The following PLXNB2 variants were observed in gnomAD, a reference collection of about 807,000 sequenced individuals.
PLXNB2 encodes plexin-B2.
In PLXNB2, 85 loss-of-function variants were observed where a neutral mutation model predicts 202.6. That is an observed-to-expected ratio of 0.42 (90% CI 0.35 to 0.50). PLXNB2 has a LOEUF of 0.50. PLXNB2 is among the 20% of genes least tolerant of loss of function. The pLI is 0.02. For missense variants in PLXNB2, 2,063 were observed against 2,586.2 expected (o/e 0.80, Z 4.39); for synonymous variants, 1,239 against 1,137.6 (o/e 1.09, Z -1.79).
At position 50,288,652 on chromosome 22, in the gene PLXNB2, C is replaced by T; in HGVS notation, c.1380+91G>A. ...GCCCAGCTCTGCAGCACCCCATCCTCCTCTGGCCCCCAGGCCTGTCCTAAG... is the reference window on the plus strand; with the variant it reads ...GCCCAGCTCTGCAGCACCCCATCCTTCTCTGGCCCCCAGGCCTGTCCTAAG... On this transcript the variant is annotated intron_variant, in intron 5 of 36. Transcript: ENST00000359337. The surrounding 1 kb of genome is among the most constrained non-coding windows in gnomAD (Gnocchi z 5.0). 1 of 1,541,758 alleles carries T rather than the reference C, an allele frequency of 6.5e-7. No homozygotes were observed. Among genetic ancestry groups the T allele is most frequent in the Non-Finnish European group, 8.8e-7 (1 of 1,140,576 alleles).
rs924499080 is a variant in PLXNB2, at chr22:50,300,634, T to A, written c.-73-5856A>T. 6.6e-5 allele frequency among the ~76,000 whole-genome samples: 10 copies of A among 152,348 alleles called. No individual in the cohort carries two copies. The East Asian group carries it at 1.9e-3, about 29-fold the overall frequency. On this transcript the variant is annotated intron_variant, in intron 1 of 36. Coordinates refer to ENST00000359337, the MANE Select transcript of PLXNB2 (RefSeq NM_012401.4). The stretch of plus-strand genomic sequence containing the variant: ...GCGTCTACAGCGGTCCCCGCTGGAC[T>A]CTCGGCTGAGGACCCCTCCCAGGTG...
At chr22:50,277,363 T>G (rs1424222921) in intron 33 of PLXNB2, among the ~76,000 whole-genome samples, 4 of 151,698 alleles carry the variant, frequency 2.6e-5, no homozygotes, top group Non-Finnish European at 5.9e-5. Flanking sequence ...TCTCTGCTCG[T>G]GTGCTGTGGT....
Position 50,289,282 on chromosome 22 carries a change from T to C in PLXNB2, c.1069-140A>G. On this transcript the variant is annotated intron_variant, in intron 3 of 36. Coordinates refer to ENST00000359337, the MANE Select transcript of PLXNB2 (RefSeq NM_012401.4). This position sits in a 1 kb window ranked among gnomAD's most constrained non-coding sequence, Gnocchi z 8.0. ...CACGTCCCCGAGAACAGAACCCACA[T>C]GGCAGGGAGCCCCACCGTGCTCACT... 2.1e-6 allele frequency: 2 copies of C among 935,620 alleles called. No individual in the cohort carries two copies. Among genetic ancestry groups the C allele is most frequent in the Non-Finnish European group, 3.1e-6 (2 of 643,618 alleles). The allele number at this position is 935,620 out of a possible 1,614,324, so 58.0% of individuals were successfully genotyped here. A position where few individuals can be genotyped will look rare whatever the true frequency, so the allele number is the denominator to read the frequency against.
At position 50,275,134 on chromosome 22, in the gene PLXNB2, G is replaced by A. The variant is rs879179554; in HGVS notation, c.*570C>T. ...GACCCCAGGATGTCTGGGCCCCGAC[G>A]TAGGACTTGACCTACGTCTCACTTG... On this transcript the variant is annotated 3_prime_UTR_variant, in exon 37 of 37. Transcript: ENST00000359337. 9.8e-5 allele frequency: 27 copies of A among 275,356 alleles called. No individual in the cohort carries two copies. In the East Asian group the frequency reaches 1.5e-3, roughly 15 times the overall value. 17.1% of individuals were successfully genotyped at this position (275,356 alleles called of 1,614,324 possible).
At position 50,289,505 on chromosome 22, in the gene PLXNB2, T is replaced by C. The variant is rs1401238970; in HGVS notation, c.1068+12A>G. ...CAGTCCGGGCCCTGCGAGAACACAC[T>C]GAGGCCCATACCGGCGCGTGGCCGC... On this transcript the variant is annotated intron_variant, in intron 3 of 36. Coordinates refer to ENST00000359337, the MANE Select transcript of PLXNB2 (RefSeq NM_012401.4). This position sits in a 1 kb window ranked among gnomAD's most constrained non-coding sequence, Gnocchi z 8.0. The C allele has an allele frequency of 1.3e-6, 2 of 1,599,096 alleles. No individual in the cohort carries two copies. The highest frequency in any genetic ancestry group is 1.7e-5 in the Admixed American group (1 of 58,574).
chr22:50,303,924 G>A (rs2067795631), intron 1 of PLXNB2, among the ~76,000 whole-genome samples: 2 of 152,186 alleles, frequency 1.3e-5, no homozygotes, highest in South Asian at 4.1e-4. Context: ...TTAGGGGGCT[G>A]AGGAAGAGAG....
At chr22:50,277,229 A>C (rs2065667810) in intron 33 of PLXNB2, among the ~76,000 whole-genome samples, 1 of 151,510 alleles carries the variant, frequency 6.6e-6, no homozygotes, top group African/African-American at 2.4e-5. Flanking sequence ...TGAACCTAGA[A>C]GGCGGAGGTT....
intron 1 of PLXNB2, among the ~76,000 whole-genome samples, chr22:50,296,989 G>A (rs1430209286): frequency 2.6e-5 from 4 of 152,168 alleles, no homozygotes; most frequent in South Asian, 2.1e-4. Context: ...ATGAGGTTTC[G>A]GGGGGCAGAG....
chr22:50,285,908 G>A lies in PLXNB2; in HGVS notation c.1987-7C>T. On this transcript the variant is annotated splice_polypyrimidine_tract_variant and splice_region_variant and intron_variant, in intron 10 of 36. Transcript: ENST00000359337. ...ACTGGGGACAGCTGTCCTCCTGGGA[G>A]AGTAAGGCTGGTCAGGTGCTGCCTG... 1 of 1,610,760 alleles carries A rather than the reference G, an allele frequency of 6.2e-7. No homozygotes were observed. The highest frequency in any genetic ancestry group is 8.5e-7 in the Non-Finnish European group (1 of 1,178,120).
At chr22:50,295,321 A>AG (rs1305744182) in intron 1 of PLXNB2, among the ~76,000 whole-genome samples, 1 of 148,442 alleles carries the variant, frequency 6.7e-6, no homozygotes, top group Non-Finnish European at 1.5e-5. Context: ...AAAAAAAAAA[A>AG]AAAAAAGTTG....
intron 1 of PLXNB2, among the ~76,000 whole-genome samples, chr22:50,302,727 T>A (rs979089465): frequency 6.6e-6 from 1 of 152,128 alleles, no homozygotes; most frequent in Non-Finnish European, 1.5e-5. Context: ...GGGGGGGCCA[T>A]GCTGGAGCAC....
rs2066787228 is a variant in PLXNB2, at chr22:50,290,487, T to A, written c.98A>T (p.Glu33Val). The change falls in exon 3 of 37, where the codon GAG becomes GTG. Residue 33 changes from glutamate to valine, a missense_variant. Around this residue, in one of 2 missense-constraint regions of PLXNB2, gnomAD observed 1,303 missense variants for 1,476.8 expected, o/e 0.88. Transcript: ENST00000359337. ...RKLDFFRSEK[E>V]LNHLAVDEAS... ...CTCATCCACAGCCAGGTGGTTCAGC[T>A]CTTTCTCGCTGCGGAAGAAGTCCAG... 29 of 1,612,662 alleles carry A rather than the reference T, an allele frequency of 1.8e-5. No homozygotes were observed. Among genetic ancestry groups the A allele is most frequent in the Non-Finnish European group, 2.4e-5 (28 of 1,179,986 alleles).
rs770481405 is a variant in PLXNB2, at chr22:50,281,635, G to C, written c.3453C>G (p.Pro1151=). ...TLTETDLYCE[P]PEVQPPPKRR... Reference sequence around the variant, plus strand: ...GCTTGGGCGGGGGCTGCACCTCCGGGGGCTCACAGTACAGGTCGGTCTCCG... The same window carrying C: ...GCTTGGGCGGGGGCTGCACCTCCGGCGGCTCACAGTACAGGTCGGTCTCCG... The change falls in exon 21 of 37, where the codon CCC becomes CCG. Residue 1151 remains proline, a synonymous_variant. Transcript: ENST00000359337. 1 of 1,606,344 alleles carries C rather than the reference G, an allele frequency of 6.2e-7. No individual in the cohort carries two copies. Among genetic ancestry groups the C allele is most frequent in the Non-Finnish European group, 8.5e-7 (1 of 1,176,134 alleles).
rs756086487 is a variant in PLXNB2, at chr22:50,278,478, G to A, written c.4689C>T (p.Val1563=). 25 of 1,561,110 alleles carry A rather than the reference G, an allele frequency of 1.6e-5. No individual in the cohort carries two copies. Among genetic ancestry groups the A allele is most frequent in the Non-Finnish European group, 1.9e-5 (22 of 1,153,012 alleles). The change falls in exon 30 of 37, where the codon GTC becomes GTT. Residue 1563 remains valine, a synonymous_variant. Transcript: ENST00000359337. ...GCTGGCTGTCCTCCGGCTGCTGGGA[G>A]ACCCCCACCTTGGACAGGATGAGGG... ...GATLILSKVG[V]SQQPEDSQQD...
chr22:50,300,316 C>T (rs2067603006), intron 1 of PLXNB2: 2 of 985,312 alleles, frequency 2.0e-6, no homozygotes, highest in Non-Finnish European at 2.4e-6. Flanking sequence ...CGGCCATTAC[C>T]TAAGTCCTCC....
In PLXNB2 at chr22:50,290,249, G is replaced by A. The variant is rs376941542; in HGVS notation, c.336C>T (p.Cys112=). Reference sequence around the variant, plus strand: ...CGCAGATGCCCTTGAAGAGGCTGCCGCACTCCACCAGGCGCTTCCTGGGAG... The same window carrying A: ...CGCAGATGCCCTTGAAGAGGCTGCCACACTCCACCAGGCGCTTCCTGGGAG... ...LDPPRKRLVE[C]GSLFKGICAL... The change falls in exon 3 of 37, where the codon TGC becomes TGT. Residue 112 remains cysteine, a synonymous_variant. Transcript: ENST00000359337. The A allele has an allele frequency of 6.1e-5, 99 of 1,611,602 alleles. No homozygotes were observed. Among genetic ancestry groups the A allele is most frequent in the South Asian group, 3.1e-4 (28 of 91,092 alleles).
chr22:50,281,475 C>G lies in PLXNB2; in HGVS notation c.3547G>C (p.Val1183Leu). The change falls in exon 22 of 37, where the codon GTG (valine) becomes CTG (leucine). Residue 1183 changes from valine (V) to leucine (L), a missense_variant. Val to Leu is a conservative substitution (Grantham distance 32). This residue lies in a region of PLXNB2 where 760 missense variants were observed against 1,109.4 expected (regional missense o/e 0.69). Coordinates refer to ENST00000359337, the MANE Select transcript of PLXNB2 (RefSeq NM_012401.4). ...FIVKFGSREW[V>L]LGRVEYDTRV... ...GTGTCGTACTCCACGCGGCCCAGCA[C>G]CCACTCGCGAGAGCCGAACTTCACC... 1.2e-6 allele frequency: 2 copies of G among 1,612,310 alleles called. No individual in the cohort carries two copies. The highest frequency in any genetic ancestry group is 1.7e-6 in the Non-Finnish European group (2 of 1,179,752).
chr22:50,283,248 T>C, intron 16 of PLXNB2, 62 bp from the exon 17 acceptor site: 1 of 1,604,668 alleles, frequency 6.2e-7, no homozygotes, highest in Non-Finnish European at 8.5e-7. Context: ...GGTCCTGGGC[T>C]GGATGGTAAC....
chr22:50,295,274 T>A (rs1289322179), intron 1 of PLXNB2, among the ~76,000 whole-genome samples: 1 of 138,292 alleles, frequency 7.2e-6, no homozygotes, highest in African/African-American at 2.8e-5. Context: ...TGAGCGGAGA[T>A]CGCACCACTA....
Sources: gnomAD v4.1 joint callset for allele counts (sites outside exome capture counted in the v4.1 genomes callset) on GRCh38, gnomAD v4.1.1 for gene constraint, gnomAD v4.1.1 regional missense constraint, Gnocchi (gnomAD v3.1) non-coding constraint, MANE v1.5 for transcripts, NCBI Gene and HGNC (gene_info 2026-07-23, HGNC 2026-07-21) for gene names.